OXGR1: variants seen among roughly 807,000 people sequenced by gnomAD.
OXGR1 encodes 2-oxoglutarate receptor 1.
OXGR1 carries 10 observed loss-of-function variants against 10.0 expected under a neutral mutation model. The observed-to-expected ratio is 1.00, with a 90% CI of 0.62 to 1.70. The LOEUF (loss-of-function observed/expected upper bound fraction) is 1.70, where lower values mean the gene tolerates loss of function less well. Ranked by LOEUF, OXGR1 falls within the 40% of genes most tolerant of loss-of-function variation. The pLI is 0.00. For synonymous variants in OXGR1, 191 were observed against 155.9 expected, an observed-to-expected ratio of 1.22 and a Z score of -1.68; for missense variants, 398 against 407.6, an observed-to-expected ratio of 0.98 and a Z score of 0.20.
At chr13:96,990,950 A>AAAAAC (rs1232890580) in intron 2 of OXGR1, among the ~76,000 whole-genome samples, 5 of 151,384 alleles carry the variant, frequency 3.3e-5, no homozygotes, top group Admixed American at 2.0e-4. Context: ...CTCTTTCAAA[A>AAAAAC]AAAAAAAAAA....
chr13:96,994,053 C>T (rs1458953016), intron 1 of OXGR1, among the ~76,000 whole-genome samples: 1 of 152,182 alleles, frequency 6.6e-6, no homozygotes, highest in Non-Finnish European at 1.5e-5. Context: ...AATGTCTTCT[C>T]GCCCTGGGCT....
rs890071836 is a variant in OXGR1 at position 96,992,229 on chromosome 13, G to A, written c.-127+193C>T. On this transcript the variant is annotated intron_variant, in intron 2 of 3. Transcript: ENST00000541038. ...ACTTAATTGCACATTTTTAAATAAA[G>A]AAGGTAAGTGGATTGTTTGTATTAA... is the stretch of plus-strand genomic sequence containing the variant. Among the ~76,000 whole-genome samples, 8 of 152,192 alleles carry A rather than the reference G, an allele frequency of 5.3e-5. 2 individuals carry two copies. The highest frequency in any genetic ancestry group is 1.3e-4 in the Admixed American group (2 of 15,288).
Position 96,987,823 on chromosome 13 carries a change from G to A in OXGR1, c.-64C>T. The stretch of plus-strand genomic sequence containing the variant: ...CAGTTTGGCAATATGAATCAAATGA[G>A]CAGTAACTCGCTGATAAAGGAAAAC... On this transcript the variant is annotated 5_prime_UTR_variant, in exon 4 of 4. Coordinates refer to ENST00000541038, the MANE Select transcript of OXGR1 (RefSeq NM_001346194.2). 1 of 1,501,758 alleles carries A rather than the reference G, an allele frequency of 6.7e-7. No homozygotes were observed. Among genetic ancestry groups the A allele is most frequent in the South Asian group, 1.4e-5 (1 of 71,306 alleles). The allele number at this position is 1,501,758 out of a possible 1,614,324, so 93.0% of individuals were successfully genotyped here.
chr13:96,986,699 G>A lies in OXGR1; in HGVS notation c.*47C>T, dbSNP rs560920258. On this transcript the variant is annotated 3_prime_UTR_variant, in exon 4 of 4. Transcript: ENST00000541038. Reference sequence around the variant, plus strand: ...CATCCTGAACATCTTAGGATGCTAGGTAAAGTATCAGCAAGTATTTGTTTT... The same window carrying A: ...CATCCTGAACATCTTAGGATGCTAGATAAAGTATCAGCAAGTATTTGTTTT... 2.9e-5 allele frequency: 45 copies of A among 1,540,304 alleles called. No individual in the cohort carries two copies. The African/African-American group carries it at 5.5e-4, about 19-fold the overall frequency.
At chr13:96,994,685 CA>C (rs1210073658), upstream of OXGR1, 3 of 151,668 alleles carry the variant, frequency 2.0e-5, no homozygotes, top group Admixed American at 6.6e-5. Flanking sequence ...TCCTACAGCC[CA>C]GTGCCTCTTT....
intron 1 of OXGR1, among the ~76,000 whole-genome samples, chr13:96,994,082 A>G (rs914195858): frequency 2.6e-5 from 4 of 152,078 alleles, no homozygotes; most frequent in Non-Finnish European, 4.4e-5. Flanking sequence ...CCTAAAATGA[A>G]ACTTCGCCTC....
At chr13:96,989,631 G>C (rs182769863) in intron 3 of OXGR1, 127 bp downstream of exon 3, 1 of 152,392 alleles carries the variant, frequency 6.6e-6, no homozygotes, top group East Asian at 1.9e-4. Context: ...AAGTCAAACC[G>C]CTAGTTAGGG....
rs1315698120 is a variant in OXGR1 at position 96,987,414 on chromosome 13, T to A, written c.346A>T (p.Asn116Tyr). ...AGGAAGAGGATGCTGCTATACAGGT[T>A]GAAATGGAAGCTGAAGCGGATAAAC... ...CKFIRFSFHF[N>Y]LYSSILFLTC... is the part of the protein sequence containing the mutation. The change falls in exon 4 of 4, where the codon AAC becomes TAC. Residue 116 changes from asparagine to tyrosine, a missense_variant. Physicochemically the swap from Asn to Tyr is moderately radical, Grantham distance 143 (BLOSUM62 -2). Transcript: ENST00000541038. The A allele has an allele frequency of 1.2e-6, 2 of 1,614,126 alleles. No homozygotes were observed. The highest frequency in any genetic ancestry group is 2.2e-5 in the South Asian group (2 of 91,074).
chr13:96,987,894 A>C, intron 3 of OXGR1, 61 bp from the exon 4 acceptor site: 3 of 1,201,064 alleles, frequency 2.5e-6, no homozygotes, highest in Non-Finnish European at 3.3e-6. Context: ...TCTACTTTTA[A>C]ATGAAAATTA....
chr13:96,992,972 C>T (rs74107004), intron 1 of OXGR1, among the ~76,000 whole-genome samples: 5,441 of 152,248 alleles, frequency 0.036, 330 homozygotes, highest in African/African-American at 0.12. Context: ...TTTGGGTTGT[C>T]AAAAAGAAAC....
Position 96,987,811 on chromosome 13 carries a change from T to C in OXGR1, c.-52A>G. The C allele has an allele frequency of 6.6e-6, 10 of 1,513,616 alleles. No individual in the cohort carries two copies. The highest frequency in any genetic ancestry group is 8.8e-6 in the Non-Finnish European group (10 of 1,132,278). The allele number at this position is 1,513,616 out of a possible 1,614,324, so 93.8% of individuals were successfully genotyped here. On this transcript the variant is annotated 5_prime_UTR_variant, in exon 4 of 4. Coordinates refer to ENST00000541038, the MANE Select transcript of OXGR1 (RefSeq NM_001346194.2). ...AACAAGAGAGTTCAGTTTGGCAATA[T>C]GAATCAAATGAGCAGTAACTCGCTG...
At chr13:96,988,196 C>A (rs2138893426) in intron 3 of OXGR1, among the ~76,000 whole-genome samples, 1 of 152,294 alleles carries the variant, frequency 6.6e-6, no homozygotes, top group South Asian at 2.1e-4. Context: ...ATGCCACCAT[C>A]ACTTACTTCT....
chr13:96,990,050 C>T (rs1881975533), intron 2 of OXGR1, among the ~76,000 whole-genome samples: 1 of 152,072 alleles, frequency 6.6e-6, no homozygotes, highest in Non-Finnish European at 1.5e-5. Flanking sequence ...CTTATAATAC[C>T]TAATGCAACA....
intron 1 of OXGR1, among the ~76,000 whole-genome samples, chr13:96,993,920 G>A (rs1352703983): frequency 6.6e-6 from 1 of 151,976 alleles, no homozygotes; most frequent in Non-Finnish European, 1.5e-5. Flanking sequence ...ATGGGGTGAG[G>A]GATTAACTCT....
intron 2 of OXGR1, among the ~76,000 whole-genome samples, chr13:96,990,212 C>T (rs1881983641): frequency 6.6e-6 from 1 of 152,102 alleles, no homozygotes; most frequent in South Asian, 2.1e-4. Context: ...TGGACTCATG[C>T]ATAAGGAGCA....
chr13:96,986,942 C>T lies in OXGR1; in HGVS notation c.818G>A (p.Ser273Asn). 6.2e-7 allele frequency: 1 copy of T among 1,614,132 alleles called. No homozygotes were observed. The change falls in exon 4 of 4, where the codon AGT (serine) becomes AAT (asparagine). Residue 273 changes from serine to asparagine, a missense_variant. Transcript: ENST00000541038. ...IRIESRLLSI[S>N]CSIENQIHEA... is the part of the protein sequence containing the mutation. ...ATGGATCTGATTCTCAATGGAACAA[C>T]TGATTGAAAGCAGGCGAGATTCGAT... is the stretch of plus-strand genomic sequence containing the variant.
At chr13:96,988,118 T>G (rs1012307985) in intron 3 of OXGR1, among the ~76,000 whole-genome samples, 4 of 152,346 alleles carry the variant, frequency 2.6e-5, no homozygotes, top group African/African-American at 9.6e-5. Flanking sequence ...GGTCACCATT[T>G]GGAGAAGCCA....
chr13:96,987,500 G>T lies in OXGR1; in HGVS notation c.260C>A (p.Pro87His), dbSNP rs747928220. The T allele has an allele frequency of 6.2e-6, 10 of 1,614,044 alleles. No individual in the cohort carries two copies. The South Asian group carries it at 1.1e-4, about 18-fold the overall frequency. ...CTDLLYLTSL[P>H]FLIHYYASGE... ...ACTGGCATAGTAGTGAATCAGGAAGGGGAGGCTGGTCAGATACAGCAGATC... is the reference window on the plus strand; with the variant it reads ...ACTGGCATAGTAGTGAATCAGGAAGTGGAGGCTGGTCAGATACAGCAGATC... Residue 87 changes from proline to histidine, a missense_variant, in exon 4 of 4, where the codon CCC (proline) becomes CAC (histidine). Transcript: ENST00000541038.
In OXGR1 at chr13:96,986,644, A is replaced by G. The variant is rs1881751488; in HGVS notation, c.*102T>C. 1 of 1,240,766 alleles carries G rather than the reference A, an allele frequency of 8.1e-7. No individual in the cohort carries two copies. The highest frequency in any genetic ancestry group is 1.1e-6 in the Non-Finnish European group (1 of 897,918). The allele number at this position is 1,240,766 out of a possible 1,614,324, so 76.9% of individuals were successfully genotyped here. Reference sequence around the variant, plus strand: ...TTGGCACATGATTACTTGAATACACAGTATTTACCAGGAGTTCCATTGAGG... The same window carrying G: ...TTGGCACATGATTACTTGAATACACGGTATTTACCAGGAGTTCCATTGAGG... On this transcript the variant is annotated 3_prime_UTR_variant, in exon 4 of 4. Transcript: ENST00000541038.
Sources: gnomAD v4.1 joint callset for allele counts (sites outside exome capture counted in the v4.1 genomes callset) on GRCh38, gnomAD v4.1.1 for gene constraint, MANE v1.5 for transcripts, NCBI Gene and HGNC (gene_info 2026-07-23, HGNC 2026-07-21) for gene names.